Variants in EDNRA observed in about 807,000 individuals in gnomAD.
EDNRA encodes the protein endothelin-1 receptor.
In EDNRA, 11 loss-of-function variants were observed where a neutral mutation model predicts 41.4. The ratio of observed to expected loss-of-function variants is 0.27; its 90% confidence interval spans 0.17 to 0.44. The LOEUF (loss-of-function observed/expected upper bound fraction) is 0.44. Among genes scored for constraint, EDNRA ranks in the 20% least tolerant of loss-of-function variants. The probability of loss-of-function intolerance (pLI) is 1.00; values close to 1 mark genes in which losing one functional copy is unlikely to be tolerated. For synonymous variants in EDNRA, 172 were observed against 183.0 expected, an observed-to-expected ratio of 0.94 and a Z score of 0.49; for missense variants, 294 against 531.0, an observed-to-expected ratio of 0.55 and a Z score of 4.39.
intron 2 of EDNRA, chr4:147,494,929 G>A (rs1239928430): frequency 6.6e-6 from 1 of 152,216 alleles, no homozygotes; most frequent in African/African-American, 2.4e-5. Flanking sequence ...GCAGAGGTGG[G>A]AGGATAGCTT....
Position 147,539,924 on chromosome 4 carries a change from G to A in EDNRA, c.1008G>A (p.Met336Ile). The change falls in exon 6 of 8, where the codon ATG (methionine) becomes ATA (isoleucine). Residue 336 changes from methionine to isoleucine, a missense_variant. Met to Ile is a conservative substitution (Grantham distance 10). This residue lies in a region of EDNRA where 185 missense variants were observed against 390.8 expected (regional missense o/e 0.47). Coordinates refer to ENST00000651419, the MANE Select transcript of EDNRA (RefSeq NM_001957.4). The stretch of plus-strand genomic sequence containing the variant: ...TGAAGAAAACTGTGTATAACGAGAT[G>A]GACAAGAACCGATGTGAATTACTTA... ...RILKKTVYNE[M>I]DKNRCELLSF... The A allele has an allele frequency of 6.2e-7, 1 of 1,609,914 alleles. No homozygotes were observed. Among genetic ancestry groups the A allele is most frequent in the Non-Finnish European group, 8.5e-7 (1 of 1,179,112 alleles).
At chr4:147,538,203 T>A (rs2884339) in intron 5 of EDNRA, among the ~76,000 whole-genome samples, 51,703 of 151,910 alleles carry the variant, frequency 0.34, 10,490 homozygotes, top group African/African-American at 0.57. Context: ...CTCAGGAGAC[T>A]GTAGCAGCAG....
chr4:147,502,081 G>C (rs1260324416), intron 2 of EDNRA, among the ~76,000 whole-genome samples: 5 of 151,750 alleles, frequency 3.3e-5, no homozygotes, highest in African/African-American at 4.8e-5. Context: ...GTCTTTTTTT[G>C]TTCCTATATG....
chr4:147,481,628 G>A (rs968508367), intron 1 of EDNRA, among the ~76,000 whole-genome samples: 3 of 152,006 alleles, frequency 2.0e-5, no homozygotes, highest in Non-Finnish European at 2.9e-5. Context: ...ACCTCTCCAC[G>A]TTAGGGTTTA....
chr4:147,504,957 C>CAAAAAAAA (rs57911108), intron 2 of EDNRA, among the ~76,000 whole-genome samples: 733 of 39,000 alleles, frequency 0.019, 138 homozygotes, highest in African/African-American at 0.074. Context: ...GACCCTGTCT[C>CAAAAAAAA]AAAAAAAAAA....
chr4:147,490,365 G>A (rs1353626712), intron 2 of EDNRA: 1 of 152,160 alleles, frequency 6.6e-6, no homozygotes, highest in Non-Finnish European at 1.5e-5. Context: ...ATTTTTAGTT[G>A]TTCAAAATAA....
Position 147,542,590 on chromosome 4 carries a change from G to A in EDNRA, c.1256G>A (p.Arg419Gln), listed in dbSNP as rs200104039. ...GATCAAAACAACCACAACACAGACC[G>A]GAGCAGCCATAAGGACAGCATGAAC... ...NHDQNNHNTD[R>Q]SSHKDSMN is the part of the protein sequence containing the mutation. Residue 419 changes from arginine (R) to glutamine (Q), a missense_variant, in exon 8 of 8, where the codon CGG (arginine) becomes CAG (glutamine). Physicochemically the swap from Arg to Gln is conservative, Grantham distance 43. This residue lies in a region of EDNRA where 19 missense variants were observed against 17.4 expected (regional missense o/e 1.09). Coordinates refer to ENST00000651419, the MANE Select transcript of EDNRA (RefSeq NM_001957.4). 35 of 1,613,830 alleles carry A rather than the reference G, an allele frequency of 2.2e-5. No homozygotes were observed. Among genetic ancestry groups the A allele is most frequent in the Non-Finnish European group, 2.8e-5 (33 of 1,179,970 alleles).
At chr4:147,522,091 G>A (rs375821753) in intron 3 of EDNRA, among the ~76,000 whole-genome samples, 16 of 152,070 alleles carry the variant, frequency 1.1e-4, no homozygotes, top group Admixed American at 4.6e-4. Context: ...GAATATAATC[G>A]GGGGAGGAAA....
At chr4:147,505,749 C>A (rs1257827888) in intron 2 of EDNRA, among the ~76,000 whole-genome samples, 1 of 148,654 alleles carries the variant, frequency 6.7e-6, no homozygotes, top group Non-Finnish European at 1.5e-5. Flanking sequence ...CCTGGGTTCA[C>A]GTCATTCTCC....
intron 3 of EDNRA, among the ~76,000 whole-genome samples, chr4:147,523,455 G>C (rs1303466395): frequency 7.0e-6 from 1 of 142,106 alleles, no homozygotes; most frequent in East Asian, 2.0e-4. Flanking sequence ...GTTTTGTTGG[G>C]TGTTTGTTTT....
chr4:147,534,359 T>C (rs974966743), intron 4 of EDNRA, among the ~76,000 whole-genome samples: 23 of 152,344 alleles, frequency 1.5e-4, no homozygotes, highest in Admixed American at 7.2e-4. Context: ...AACAGGGAAA[T>C]GTTTGTGTAA....
intron 2 of EDNRA, chr4:147,490,254 G>A (rs1729096595): frequency 6.6e-6 from 1 of 151,896 alleles, no homozygotes; most frequent in South Asian, 2.1e-4. Context: ...ACCAAGGCAA[G>A]CCAATGAATG....
At position 147,497,149 on chromosome 4, in the gene EDNRA, C is replaced by CTTTTTTTTTT. The variant is rs11330586; in HGVS notation, c.420+11065_420+11074dup. Among the ~76,000 whole-genome samples, 19 of 75,054 alleles carry CTTTTTTTTTT rather than the reference C, an allele frequency of 2.5e-4. 1 individual carries two copies. Among genetic ancestry groups the CTTTTTTTTTT allele is most frequent in the Non-Finnish European group, 3.1e-4 (12 of 38,478 alleles). The allele number at this position is 75,054 out of a possible 152,430, so 49.2% of individuals were successfully genotyped here. A position where few individuals can be genotyped will look rare whatever the true frequency, so the allele number is the denominator to read the frequency against. ...TTAAGAACTAGGCAATAGAATTCTTCTTTTTTTTTTTTTTTTTTTTTTTTT... is the reference window on the plus strand; with the variant it reads ...TTAAGAACTAGGCAATAGAATTCTTCTTTTTTTTTTTTTTTTTTTTTTTTTTTTTTTTTTT... On this transcript the variant is annotated intron_variant, in intron 2 of 7. Transcript: ENST00000651419.
chr4:147,497,843 T>C (rs562336163), intron 2 of EDNRA, among the ~76,000 whole-genome samples: 2 of 152,200 alleles, frequency 1.3e-5, no homozygotes, highest in Non-Finnish European at 2.9e-5. Context: ...AGTGCTGGGA[T>C]TACAGGCCTG....
intron 2 of EDNRA, among the ~76,000 whole-genome samples, chr4:147,487,631 T>C (rs1578772604): frequency 6.6e-6 from 1 of 152,330 alleles, no homozygotes; most frequent in Non-Finnish European, 1.5e-5. Flanking sequence ...GTGGTTAAAT[T>C]ATATTACCCT....
chr4:147,504,449 A>G (rs1729618843), intron 2 of EDNRA, among the ~76,000 whole-genome samples: 1 of 152,224 alleles, frequency 6.6e-6, no homozygotes, highest in Non-Finnish European at 1.5e-5. Context: ...TCAAAAAACT[A>G]CATTCGTTAA....
intron 2 of EDNRA, among the ~76,000 whole-genome samples, chr4:147,499,019 C>A (rs558446178): frequency 6.6e-6 from 1 of 152,304 alleles, no homozygotes; most frequent in South Asian, 2.1e-4. Flanking sequence ...TGTCACTGAT[C>A]TTGAATAAAT....
chr4:147,521,271 G>A (rs1364421613), intron 3 of EDNRA, among the ~76,000 whole-genome samples: 2 of 152,168 alleles, frequency 1.3e-5, no homozygotes, highest in Admixed American at 1.3e-4. Context: ...AATTTCATTA[G>A]TAATTTAAAA....
chr4:147,512,215 TA>T (rs1047207211), intron 2 of EDNRA, among the ~76,000 whole-genome samples: 11 of 152,306 alleles, frequency 7.2e-5, no homozygotes, highest in African/African-American at 2.4e-4. Context: ...AGAGAGTTAT[TA>T]AAAAGAGATA....
Sources: allele counts gnomAD v4.1 joint callset (sites outside exome capture counted in the v4.1 genomes callset), GRCh38; gene constraint gnomAD v4.1.1; regional missense constraint gnomAD v4.1.1; transcripts MANE v1.5; gene names NCBI Gene and HGNC (gene_info 2026-07-23, HGNC 2026-07-21).